The following EFCAB5 variants were observed in gnomAD, a reference collection of about 807,000 sequenced individuals.
EFCAB5 encodes EF-hand calcium binding domain 5.
In EFCAB5, 131 loss-of-function variants were observed where a neutral mutation model predicts 167.9. The ratio of observed to expected loss-of-function variants is 0.78; its 90% CI spans 0.68 to 0.90. The LOEUF (loss-of-function observed/expected upper bound fraction) is 0.90. Ranked by LOEUF, EFCAB5 falls within the 40% of genes least tolerant of loss-of-function variation. The pLI is 0.00. For missense variants in EFCAB5, 1,663 were observed against 1,745.2 expected, an observed-to-expected ratio of 0.95 and a Z score of 0.84; for synonymous variants, 574 against 602.8, an observed-to-expected ratio of 0.95 and a Z score of 0.70.
intron 10 of EFCAB5, among the ~76,000 whole-genome samples, chr17:30,054,662 G>C (rs1597733247): frequency 6.6e-6 from 1 of 152,256 alleles, no homozygotes; most frequent in South Asian, 2.1e-4. Context: ...CCTTATCCAT[G>C]GTTTTGCTTT....
At chr17:30,084,477 C>T (rs1158518441) in intron 18 of EFCAB5, among the ~76,000 whole-genome samples, 2 of 152,196 alleles carry the variant, frequency 1.3e-5, no homozygotes, top group African/African-American at 4.8e-5. Context: ...CAAGAGTCCA[C>T]AGACAAAGCC....
chr17:30,043,891 G>A lies in EFCAB5; in HGVS notation c.1201-7227G>A, dbSNP rs1045009941. ...GACAAACTATTCTGAAATTTGTGTG[G>A]CATTTCAAAGGACTCACAACAGCCA... On this transcript the variant is annotated intron_variant, in intron 8 of 22. Transcript: ENST00000394835. Among the ~76,000 whole-genome samples, 3 of 152,096 alleles carry A rather than the reference G, an allele frequency of 2.0e-5. No homozygotes were observed. In the East Asian group the frequency reaches 5.8e-4, roughly 29 times the overall value.
At chr17:30,011,039 T>C (rs1270523312) in intron 7 of EFCAB5, among the ~76,000 whole-genome samples, 1 of 152,198 alleles carries the variant, frequency 6.6e-6, no homozygotes, top group Non-Finnish European at 1.5e-5. Flanking sequence ...CCCAGCACCA[T>C]TTATTAAATA....
chr17:29,975,199 A>G (rs994142312), intron 4 of EFCAB5, among the ~76,000 whole-genome samples: 7 of 152,058 alleles, frequency 4.6e-5, no homozygotes, highest in Non-Finnish European at 7.4e-5. Flanking sequence ...GGTCTCTTCC[A>G]GGTCTAAAAC....
chr17:30,036,289 CATATATAATATATAATTATATATA>C, intron 8 of EFCAB5, among the ~76,000 whole-genome samples: 1 of 121,836 alleles, frequency 8.2e-6, no homozygotes, highest in Non-Finnish European at 1.6e-5. Context: ...ATATAATACA[CATATATAATATATAATTATATATA>C]ATACACATAT....
At chr17:29,979,615 T>C (rs550753020) in intron 4 of EFCAB5, among the ~76,000 whole-genome samples, 1 of 152,354 alleles carries the variant, frequency 6.6e-6, no homozygotes, top group African/African-American at 2.4e-5. Context: ...TAAGTTCTCC[T>C]TGTCCTTCAG....
chr17:29,995,289 GA>G (rs1433976659), intron 5 of EFCAB5, among the ~76,000 whole-genome samples: 1 of 152,216 alleles, frequency 6.6e-6, no homozygotes, highest in East Asian at 1.9e-4. Context: ...GTGTTTCTCA[GA>G]ACACTCTTAT....
intron 5 of EFCAB5, among the ~76,000 whole-genome samples, chr17:29,994,350 G>A (rs2068500205): frequency 6.6e-6 from 1 of 151,500 alleles, no homozygotes; most frequent in Admixed American, 6.6e-5. Context: ...AAGTATAGAG[G>A]ATTCTTTGGA....
At chr17:30,068,480 T>C (rs751938204) in intron 14 of EFCAB5, among the ~76,000 whole-genome samples, 3 of 151,978 alleles carry the variant, frequency 2.0e-5, no homozygotes, top group Non-Finnish European at 2.9e-5. Context: ...AAAACGTTGA[T>C]GAAAGAAAAT....
chr17:30,083,902 G>A (rs949469440), intron 18 of EFCAB5, among the ~76,000 whole-genome samples: 3 of 152,172 alleles, frequency 2.0e-5, no homozygotes, highest in Non-Finnish European at 2.9e-5. Context: ...ATATGACACC[G>A]ATTTTTTTAA....
chr17:30,084,337 G>A (rs961406772), intron 18 of EFCAB5, among the ~76,000 whole-genome samples: 1 of 152,128 alleles, frequency 6.6e-6, no homozygotes, highest in South Asian at 2.1e-4. Flanking sequence ...AAGCACATGG[G>A]GCCCCAGGGA....
intron 7 of EFCAB5, among the ~76,000 whole-genome samples, chr17:30,029,416 A>G (rs1266289836): frequency 6.6e-6 from 1 of 152,222 alleles, no homozygotes; most frequent in Non-Finnish European, 1.5e-5. Context: ...TTTATTAAAT[A>G]TTATACTGAA....
In EFCAB5 at chr17:30,057,897, A is replaced by T; in HGVS notation, c.2580+7A>T. ...AATGAATGCCTTAGAACAGGTGGGT[A>T]ATATTATTTATTAATGATACAAGTG... On this transcript the variant is annotated splice_region_variant and intron_variant, in intron 13 of 22. Transcript: ENST00000394835. 6.2e-7 allele frequency: 1 copy of T among 1,606,010 alleles called. No individual in the cohort carries two copies. Among genetic ancestry groups the T allele is most frequent in the Non-Finnish European group, 8.5e-7 (1 of 1,175,382 alleles).
At chr17:29,987,296 G>T (rs1002956416) in intron 4 of EFCAB5, among the ~76,000 whole-genome samples, 1 of 152,150 alleles carries the variant, frequency 6.6e-6, no homozygotes, top group African/African-American at 2.4e-5. Flanking sequence ...TCTGCAACCG[G>T]TGGGTCTTTG....
At chr17:29,958,406 TCAATA>T (rs1179047480) in intron 3 of EFCAB5, among the ~76,000 whole-genome samples, 1 of 152,150 alleles carries the variant, frequency 6.6e-6, no homozygotes, top group Non-Finnish European at 1.5e-5. Context: ...TTCTGCTTGA[TCAATA>T]CTGCAACTGA....
intron 20 of EFCAB5, 57 bp downstream of exon 20, chr17:30,090,731 C>T: frequency 6.5e-7 from 1 of 1,547,198 alleles, no homozygotes; most frequent in South Asian, 1.3e-5. Flanking sequence ...TTGGGGAAAT[C>T]ACAGGGAGTG....
At chr17:30,072,338 T>C (rs943198894) in intron 14 of EFCAB5, among the ~76,000 whole-genome samples, 4 of 152,180 alleles carry the variant, frequency 2.6e-5, no homozygotes, top group African/African-American at 7.2e-5. Context: ...AACATTTATT[T>C]TGAAACAAAA....
intron 7 of EFCAB5, among the ~76,000 whole-genome samples, chr17:30,030,465 T>C (rs536894128): frequency 6.6e-6 from 1 of 152,224 alleles, no homozygotes; most frequent in African/African-American, 2.4e-5. Context: ...TGCCTCAGCC[T>C]CCTAAGTAGC....
intron 4 of EFCAB5, among the ~76,000 whole-genome samples, chr17:29,987,342 C>G (rs185115873): frequency 4.8e-4 from 73 of 152,220 alleles, no homozygotes; most frequent in African/African-American, 1.5e-3. Flanking sequence ...GTATCTGGAT[C>G]TTAGTAAGGC....
Sources: gnomAD v4.1 joint callset for allele counts (sites outside exome capture counted in the v4.1 genomes callset) on GRCh38, gnomAD v4.1.1 for gene constraint, MANE v1.5 for transcripts, NCBI Gene and HGNC (gene_info 2026-07-23, HGNC 2026-07-21) for gene names.